The following PCSK2 variants were observed in gnomAD, a reference collection of about 807,000 sequenced individuals.
PCSK2 encodes the protein proprotein convertase subtilisin/kexin type 2, also known as neuroendocrine convertase 2.
A neutral mutation model predicts 69.7 loss-of-function variants in PCSK2; 14 were observed. The ratio of observed to expected loss-of-function variants is 0.20; its 90% confidence interval spans 0.13 to 0.31. The LOEUF is 0.31. Among genes scored for constraint, PCSK2 ranks in the 10% least tolerant of loss-of-function variants. The pLI, the probability that PCSK2 is intolerant of heterozygous loss-of-function variation, is 1.00. For missense variants in PCSK2, 544 were observed against 842.5 expected, an observed-to-expected ratio of 0.65 and a Z score of 4.39; for synonymous variants, 307 against 320.7, an observed-to-expected ratio of 0.96 and a Z score of 0.46.
intron 2 of PCSK2, among the ~76,000 whole-genome samples, chr20:17,338,340 G>T (rs1437703698): frequency 6.6e-6 from 1 of 152,052 alleles, no homozygotes; most frequent in Non-Finnish European, 1.5e-5. Flanking sequence ...GGGATTACAG[G>T]TGGGCACCAC....
At chr20:17,316,096 A>G (rs142157638) in intron 2 of PCSK2, among the ~76,000 whole-genome samples, 2 of 152,336 alleles carry the variant, frequency 1.3e-5, no homozygotes, top group Middle Eastern at 3.4e-3. Flanking sequence ...TTCATAGGTC[A>G]GATGGATCTC....
intron 5 of PCSK2, among the ~76,000 whole-genome samples, chr20:17,373,175 A>C (rs2030824666): frequency 1.3e-5 from 2 of 152,156 alleles, no homozygotes; most frequent in South Asian, 4.1e-4. Context: ...GGATTCTAGG[A>C]AGCAGGGGTA....
Position 17,465,368 on chromosome 20 carries a change from C to T in PCSK2, c.1245C>T (p.Leu415=), listed in dbSNP as rs748488873. 6.2e-7 allele frequency: 1 copy of T among 1,614,180 alleles called. No individual in the cohort carries two copies. The highest frequency in any genetic ancestry group is 2.2e-5 in the East Asian group (1 of 44,880). Residue 415 remains leucine (L), a synonymous_variant, in exon 11 of 12, where the codon CTC becomes CTT. Coordinates refer to ENST00000262545, the MANE Select transcript of PCSK2 (RefSeq NM_002594.5). ...GGGACATGCAGCATCTGACTGTGCT[C>T]ACCTCCAAACGGAACCAGCTTCACG... The part of the protein sequence containing the change: ...TWRDMQHLTV[L]TSKRNQLHDE...
intron 2 of PCSK2, among the ~76,000 whole-genome samples, chr20:17,332,686 G>C (rs1259452817): frequency 6.6e-6 from 1 of 152,132 alleles, no homozygotes; most frequent in South Asian, 2.1e-4. Context: ...GCTTTCCTGA[G>C]GATTCTGATG....
chr20:17,428,265 C>T (rs752967583), intron 6 of PCSK2, among the ~76,000 whole-genome samples: 2 of 152,152 alleles, frequency 1.3e-5, no homozygotes, highest in Non-Finnish European at 2.9e-5. Flanking sequence ...ACACAAGGGC[C>T]GACCTCTGCA....
intron 11 of PCSK2, chr20:17,479,103 A>G (rs2033343020): frequency 5.3e-6 from 7 of 1,330,354 alleles, no homozygotes; most frequent in Admixed American, 1.7e-5. Flanking sequence ...CAGCAATGGC[A>G]AAAACATTGA....
At chr20:17,355,003 T>C (rs1259540087) in intron 2 of PCSK2, among the ~76,000 whole-genome samples, 1 of 152,194 alleles carries the variant, frequency 6.6e-6, no homozygotes, top group Non-Finnish European at 1.5e-5. Flanking sequence ...GAAGATAAAC[T>C]GACAGACTCA....
intron 6 of PCSK2, among the ~76,000 whole-genome samples, chr20:17,418,713 C>T (rs2032056367): frequency 6.6e-6 from 1 of 152,148 alleles, no homozygotes; most frequent in African/African-American, 2.4e-5. Context: ...GAGCCTCCCA[C>T]CAGCTGTGCA....
In PCSK2 at chr20:17,259,407, C is replaced by T. The variant is rs1343595041; in HGVS notation, c.178-833C>T. Among the ~76,000 whole-genome samples the T allele has an allele frequency of 2.0e-5, 3 of 152,162 alleles. 1 individual carries two copies. The East Asian group carries it at 5.8e-4, about 29-fold the overall frequency. On this transcript the variant is annotated intron_variant, in intron 1 of 11. Coordinates refer to ENST00000262545, the MANE Select transcript of PCSK2 (RefSeq NM_002594.5). ...GGAGAGATCTGGGAACTTCAAGCCC[C>T]TATATTTATACAGAAGAGAAAAAGA...
At chr20:17,303,099 C>G (rs796678243) in intron 2 of PCSK2, among the ~76,000 whole-genome samples, 50 of 149,876 alleles carry the variant, frequency 3.3e-4, no homozygotes, top group African/African-American at 1.2e-3. Flanking sequence ...TCTCTAATGT[C>G]AAGTTGCTTT....
intron 2 of PCSK2, among the ~76,000 whole-genome samples, chr20:17,266,763 C>T (rs1438148566): frequency 6.6e-6 from 1 of 152,140 alleles, no homozygotes; most frequent in Non-Finnish European, 1.5e-5. Context: ...AGAGTTACCC[C>T]AGTGTGAGGC....
chr20:17,248,836 T>C (rs1270452106), intron 1 of PCSK2, among the ~76,000 whole-genome samples: 3 of 152,156 alleles, frequency 2.0e-5, no homozygotes, highest in African/African-American at 7.2e-5. Flanking sequence ...CAAAATCTCA[T>C]GGATTCCTAG....
intron 1 of PCSK2, among the ~76,000 whole-genome samples, chr20:17,251,891 T>C (rs1258250057): frequency 1.3e-5 from 2 of 152,154 alleles, no homozygotes; most frequent in African/African-American, 4.8e-5. Flanking sequence ...AGCTTCTTAA[T>C]ATGTGCATTT....
chr20:17,452,498 C>G (rs980615047), intron 8 of PCSK2, among the ~76,000 whole-genome samples: 2 of 152,228 alleles, frequency 1.3e-5, no homozygotes, highest in African/African-American at 2.4e-5. Flanking sequence ...CCAGTCATCT[C>G]TCTTCCTTCT....
At chr20:17,433,769 T>C (rs149830707) in intron 7 of PCSK2, among the ~76,000 whole-genome samples, 1 of 143,406 alleles carries the variant, frequency 7.0e-6, no homozygotes, top group East Asian at 2.1e-4. Flanking sequence ...AGACACAGAC[T>C]CCTAGCTCCT....
At chr20:17,278,021 T>C (rs1018545838) in intron 2 of PCSK2, among the ~76,000 whole-genome samples, 1 of 152,088 alleles carries the variant, frequency 6.6e-6, no homozygotes, top group African/African-American at 2.4e-5. Flanking sequence ...CACAATGAGA[T>C]ACCATCTCAC....
intron 2 of PCSK2, among the ~76,000 whole-genome samples, chr20:17,322,541 T>TA (rs1989901344): frequency 6.6e-6 from 1 of 152,222 alleles, no homozygotes; most frequent in Admixed American, 6.5e-5. Context: ...TGTGCTGCTA[T>TA]AACAAAATGC....
intron 2 of PCSK2, among the ~76,000 whole-genome samples, chr20:17,280,088 A>G (rs16998898): frequency 0.099 from 14,999 of 152,066 alleles, 964 homozygotes; most frequent in South Asian, 0.28. Context: ...ACATTTTATT[A>G]TATGTCAACA....
At chr20:17,279,243 G>A (rs1289125906) in intron 2 of PCSK2, among the ~76,000 whole-genome samples, 3 of 152,112 alleles carry the variant, frequency 2.0e-5, no homozygotes, top group East Asian at 3.9e-4. Flanking sequence ...ATAGTTTGAC[G>A]GTTATCAACT....
Sources: allele counts gnomAD v4.1 joint callset (sites outside exome capture counted in the v4.1 genomes callset), GRCh38; gene constraint gnomAD v4.1.1; transcripts MANE v1.5; gene names NCBI Gene and HGNC (gene_info 2026-07-23, HGNC 2026-07-21).